PRKCE: variants seen among roughly 807,000 people sequenced by gnomAD.
PRKCE encodes the protein protein kinase C epsilon, also known as protein kinase C epsilon type.
A neutral mutation model predicts 85.4 loss-of-function variants in PRKCE; 16 were observed. The ratio of observed to expected loss-of-function variants is 0.19; its 90% CI spans 0.13 to 0.28. PRKCE has a LOEUF of 0.28. Among genes scored for constraint, PRKCE ranks in the 10% least tolerant of loss-of-function variants. PRKCE has a pLI of 1.00. For missense variants in PRKCE, 573 were observed against 975.2 expected (o/e 0.59, Z 5.49); for synonymous variants, 388 against 371.5 (o/e 1.04, Z -0.51).
chr2:45,697,495 C>T lies in PRKCE; in HGVS notation c.348+45047C>T, dbSNP rs1678251678. 6.6e-6 allele frequency among the ~76,000 whole-genome samples: 1 copy of T among 152,140 alleles called. No individual in the cohort carries two copies. Among genetic ancestry groups the T allele is most frequent in the Non-Finnish European group, 1.5e-5 (1 of 68,018 alleles). Reference sequence around the variant, plus strand: ...GAGTGGAAATGGCAACCCGAGGCTCCCCAGCAAAAGCAAAGAATTGGAGGG... The same window carrying T: ...GAGTGGAAATGGCAACCCGAGGCTCTCCAGCAAAAGCAAAGAATTGGAGGG... On this transcript the variant is annotated intron_variant, in intron 1 of 14. Transcript: ENST00000306156. This position sits in a 1 kb window ranked among gnomAD's most constrained non-coding sequence, Gnocchi z 4.2.
At chr2:45,707,415 A>G (rs1386383044) in intron 1 of PRKCE, among the ~76,000 whole-genome samples, 1 of 152,244 alleles carries the variant, frequency 6.6e-6, no homozygotes, top group Non-Finnish European at 1.5e-5. Context: ...TGTACTTCCC[A>G]GAGCCATTTA....
intron 10 of PRKCE, among the ~76,000 whole-genome samples, chr2:46,024,766 T>C (rs772876542): frequency 2.6e-5 from 4 of 152,184 alleles, no homozygotes; most frequent in Non-Finnish European, 5.9e-5. Flanking sequence ...CCTATCCCCA[T>C]GTGTTTTTGG....
intron 10 of PRKCE, among the ~76,000 whole-genome samples, chr2:46,084,289 G>T (rs1187880290): frequency 6.6e-6 from 1 of 152,196 alleles, no homozygotes; most frequent in Non-Finnish European, 1.5e-5. Flanking sequence ...CTTAACTATG[G>T]ACTTTATTTT....
chr2:45,847,679 T>C (rs1691909129), intron 2 of PRKCE, among the ~76,000 whole-genome samples: 1 of 152,244 alleles, frequency 6.6e-6, no homozygotes, highest in Non-Finnish European at 1.5e-5. Context: ...CAGGTCCTGC[T>C]TCCATTCATG....
rs147654729 is a variant in PRKCE, at chr2:45,680,999, A to G, written c.348+28551A>G. Among the ~76,000 whole-genome samples, 5 of 152,328 alleles carry G rather than the reference A, an allele frequency of 3.3e-5. No homozygotes were observed. The East Asian group carries it at 9.6e-4, about 29-fold the overall frequency. On this transcript the variant is annotated intron_variant, in intron 1 of 14. Transcript: ENST00000306156. ...ATCTATACATGTCATTTAAAGACAT[A>G]GCATTTTTGGGCTGAGTGCGGTGGC...
chr2:45,968,270 A>G (rs1489005288), intron 2 of PRKCE, among the ~76,000 whole-genome samples: 1 of 149,404 alleles, frequency 6.7e-6, no homozygotes, highest in African/African-American at 2.5e-5. Flanking sequence ...CACACACACC[A>G]TGGAATACTA....
intron 2 of PRKCE, chr2:45,845,732 C>G (rs770036018): frequency 6.6e-6 from 1 of 152,170 alleles, no homozygotes; most frequent in Non-Finnish European, 1.5e-5. Flanking sequence ...TGATTTCTAA[C>G]TGTCTAATAA....
intron 10 of PRKCE, among the ~76,000 whole-genome samples, chr2:46,083,152 T>C (rs1194904008): frequency 2.0e-5 from 3 of 152,196 alleles, no homozygotes; most frequent in Non-Finnish European, 4.4e-5. Context: ...GGTTTCGCCA[T>C]GTTGGCCAGG....
chr2:45,895,562 G>A lies in PRKCE; in HGVS notation c.412+52499G>A, dbSNP rs907820184. Among the ~76,000 whole-genome samples, 8 of 151,650 alleles carry A rather than the reference G, an allele frequency of 5.3e-5. No homozygotes were observed. The highest frequency in any genetic ancestry group is 1.2e-4 in the Non-Finnish European group (8 of 68,004). The stretch of plus-strand genomic sequence containing the variant: ...GCTCAATTAATTCTTCTTCAATTTG[G>A]TTAGAGGAAAAAAATGCTTTTCTGA... On this transcript the variant is annotated intron_variant, in intron 2 of 14. Transcript: ENST00000306156. This position sits in a 1 kb window ranked among gnomAD's most constrained non-coding sequence, Gnocchi z 4.8.
intron 1 of PRKCE, among the ~76,000 whole-genome samples, chr2:45,772,333 G>A (rs545100040): frequency 1.3e-5 from 2 of 152,088 alleles, no homozygotes; most frequent in South Asian, 4.2e-4. Flanking sequence ...AGTAACCTAA[G>A]GAGAAAGAGA....
chr2:46,101,114 C>T (rs1051989779), intron 11 of PRKCE, among the ~76,000 whole-genome samples: 1 of 152,184 alleles, frequency 6.6e-6, no homozygotes, highest in African/African-American at 2.4e-5. Context: ...AGTGATCTGT[C>T]CGCCTTGGCC....
In PRKCE at chr2:45,817,651, G is replaced by A. The variant is rs572974420; in HGVS notation, c.349-25349G>A. 3.1e-3 allele frequency among the ~76,000 whole-genome samples: 475 copies of A among 152,160 alleles called. 1 individual carries two copies. Among genetic ancestry groups the A allele is most frequent in the Admixed American group, 6.3e-3 (96 of 15,294 alleles). On this transcript the variant is annotated intron_variant, in intron 1 of 14. Coordinates refer to ENST00000306156, the MANE Select transcript of PRKCE (RefSeq NM_005400.3). ...GGAGCTTGCAGTGAGCCGAGATCAC[G>A]CCACTGCACTCCAGCCTGGGCAACA...
At chr2:45,980,241 A>G in intron 4 of PRKCE, 55 bp from the exon 5 acceptor site, 1 of 1,552,804 alleles carries the variant, frequency 6.4e-7, no homozygotes, top group South Asian at 1.1e-5. Flanking sequence ...AGATCCTGGG[A>G]GGGACACTCC....
chr2:46,165,897 G>A (rs985962886), intron 14 of PRKCE, among the ~76,000 whole-genome samples: 3 of 152,202 alleles, frequency 2.0e-5, no homozygotes, highest in African/African-American at 7.2e-5. Flanking sequence ...GGGAAATGCT[G>A]GCCAAGTAAA....
chr2:46,113,861 A>G (rs1293424066), intron 11 of PRKCE, among the ~76,000 whole-genome samples: 1 of 152,184 alleles, frequency 6.6e-6, no homozygotes, highest in African/African-American at 2.4e-5. Flanking sequence ...CCAGCCACTT[A>G]TTCGTCTCAG....
rs60627380 is a variant in PRKCE at position 46,149,883 on chromosome 2, G to A, written c.1732-1158G>A. Among the ~76,000 whole-genome samples, 2,104 of 150,142 alleles carry A rather than the reference G, an allele frequency of 0.014. 110 individuals carry two copies. The East Asian group carries it at 0.17, about 12-fold the overall frequency. ...TCCTTTTTTTTTTTTTTGAGATAGG[G>A]TCTCACTCTGTTACCCAGGTTGAAG... On this transcript the variant is annotated intron_variant, in intron 12 of 14. Coordinates refer to ENST00000306156, the MANE Select transcript of PRKCE (RefSeq NM_005400.3).
chr2:45,927,701 G>A (rs892315277), intron 2 of PRKCE, among the ~76,000 whole-genome samples: 1 of 152,208 alleles, frequency 6.6e-6, no homozygotes, highest in Non-Finnish European at 1.5e-5. Flanking sequence ...CTCGCATAGA[G>A]GCTGATACTC....
intron 2 of PRKCE, among the ~76,000 whole-genome samples, chr2:45,974,780 G>A (rs1001272660): frequency 2.6e-5 from 4 of 152,168 alleles, no homozygotes; most frequent in Non-Finnish European, 4.4e-5. Context: ...CCCTGTTATG[G>A]TGAGATGTCA....
chr2:45,823,433 G>A (rs890584517), intron 1 of PRKCE, among the ~76,000 whole-genome samples: 1 of 152,156 alleles, frequency 6.6e-6, no homozygotes, highest in East Asian at 1.9e-4. Flanking sequence ...CATTAAATCA[G>A]GAAACCTGCC....
Sources: gnomAD v4.1 joint callset for allele counts (sites outside exome capture counted in the v4.1 genomes callset) on GRCh38, gnomAD v4.1.1 for gene constraint, Gnocchi (gnomAD v3.1) non-coding constraint, MANE v1.5 for transcripts, NCBI Gene and HGNC (gene_info 2026-07-23, HGNC 2026-07-21) for gene names.